KLHL1: variants seen among roughly 807,000 people sequenced by gnomAD.
KLHL1 encodes the protein kelch-like protein 1.
Under a neutral mutation model 77.7 loss-of-function variants are expected in KLHL1, and 47 were observed. The ratio of observed to expected loss-of-function variants is 0.60; its 90% CI spans 0.48 to 0.77. The LOEUF (loss-of-function observed/expected upper bound fraction) is 0.77. KLHL1 is among the 30% of genes least tolerant of loss of function. The pLI is 0.00. For synonymous variants in KLHL1, 360 were observed against 325.2 expected (o/e 1.11, Z -1.15); for missense variants, 925 against 910.8 (o/e 1.02, Z -0.20).
intron 7 of KLHL1, among the ~76,000 whole-genome samples, chr13:69,771,033 A>T (rs1875539156): frequency 6.6e-6 from 1 of 152,188 alleles, no homozygotes; most frequent in Admixed American, 6.5e-5. Flanking sequence ...TGATCTGCTA[A>T]TTTCACTACT....
At chr13:70,091,042 G>C (rs940899652) in intron 1 of KLHL1, among the ~76,000 whole-genome samples, 2 of 151,834 alleles carry the variant, frequency 1.3e-5, no homozygotes, top group African/African-American at 4.8e-5. Flanking sequence ...CTTATTCTCT[G>C]ATCCAAGTTT....
At chr13:69,970,602 C>T (rs570422454) in intron 2 of KLHL1, among the ~76,000 whole-genome samples, 1 of 152,196 alleles carries the variant, frequency 6.6e-6, no homozygotes, top group African/African-American at 2.4e-5. Flanking sequence ...GCTTCTCACA[C>T]TTTATCCTTC....
chr13:69,770,740 A>C (rs1262368342), intron 7 of KLHL1, among the ~76,000 whole-genome samples: 2 of 152,160 alleles, frequency 1.3e-5, no homozygotes, highest in Non-Finnish European at 2.9e-5. Flanking sequence ...GATCCTAATC[A>C]TTCTATTTAT....
intron 9 of KLHL1, among the ~76,000 whole-genome samples, chr13:69,713,899 GT>G (rs1875992118): frequency 6.6e-6 from 1 of 152,116 alleles, no homozygotes; most frequent in Non-Finnish European, 1.5e-5. Context: ...TGAGTTCACT[GT>G]TAATTTTAAC....
At chr13:69,702,539 T>A (rs545438577) in intron 10 of KLHL1, among the ~76,000 whole-genome samples, 1 of 151,730 alleles carries the variant, frequency 6.6e-6, no homozygotes, top group African/African-American at 2.4e-5. Context: ...GAAAAGAAAG[T>A]GTATAAAATG....
At chr13:69,972,237 C>G (rs1440506523) in intron 2 of KLHL1, among the ~76,000 whole-genome samples, 1 of 151,892 alleles carries the variant, frequency 6.6e-6, no homozygotes, top group East Asian at 1.9e-4. Flanking sequence ...TTAAGTGCTA[C>G]TAAATGCATC....
At chr13:70,049,386 GTAACACTTTA>G (rs1275907626) in intron 1 of KLHL1, among the ~76,000 whole-genome samples, 2 of 152,146 alleles carry the variant, frequency 1.3e-5, no homozygotes, top group East Asian at 3.9e-4. Flanking sequence ...AAATACTTAA[GTAACACTTTA>G]TGAGATTTCA....
chr13:69,804,707 C>T (rs901629587), intron 6 of KLHL1, among the ~76,000 whole-genome samples: 7 of 152,186 alleles, frequency 4.6e-5, no homozygotes, highest in Admixed American at 4.6e-4. Flanking sequence ...AGAACAATCA[C>T]TTATGGTTAT....
At chr13:69,723,866 G>A (rs1289764184) in intron 8 of KLHL1, among the ~76,000 whole-genome samples, 2 of 138,376 alleles carry the variant, frequency 1.4e-5, no homozygotes, top group African/African-American at 5.9e-5. Flanking sequence ...TTTCTGAGAC[G>A]GAGTCTTGCT....
chr13:69,904,774 T>C (rs1004039582), intron 4 of KLHL1, among the ~76,000 whole-genome samples: 2 of 152,188 alleles, frequency 1.3e-5, no homozygotes, highest in African/African-American at 4.8e-5. Flanking sequence ...AGTTATGTTG[T>C]CTTTCAGTAT....
In KLHL1 at chr13:69,952,344, C is replaced by A. The variant is rs527312010; in HGVS notation, c.817+8964G>T. 1.6e-4 allele frequency among the ~76,000 whole-genome samples: 24 copies of A among 151,370 alleles called. No individual in the cohort carries two copies. In the South Asian group the frequency reaches 5.0e-3, roughly 31 times the overall value. On this transcript the variant is annotated intron_variant, in intron 3 of 10. Transcript: ENST00000377844. ...AATAAACTTATATTTTAGACAAATG[C>A]AAAATAGTTTTTACATTTTTTCTTG... is the stretch of plus-strand genomic sequence containing the variant.
intron 8 of KLHL1, among the ~76,000 whole-genome samples, chr13:69,721,062 GAT>G (rs753780468): frequency 4.8e-5 from 1 of 20,628 alleles, no homozygotes; most frequent in Non-Finnish European, 1.5e-4. Flanking sequence ...TAGCTACTAA[GAT>G]ATATATATAT....
chr13:69,771,571 C>G (rs1875564878), intron 7 of KLHL1, among the ~76,000 whole-genome samples: 1 of 152,118 alleles, frequency 6.6e-6, no homozygotes, highest in South Asian at 2.1e-4. Context: ...AGCAATTGAC[C>G]TTTGTTAGCA....
intron 7 of KLHL1, among the ~76,000 whole-genome samples, chr13:69,753,217 C>G (rs1874562905): frequency 6.6e-6 from 1 of 151,842 alleles, no homozygotes; most frequent in Non-Finnish European, 1.5e-5. Flanking sequence ...CTCAGTGAAC[C>G]CAAACCTTCA....
At chr13:69,824,503 G>C (rs1014796241) in intron 6 of KLHL1, among the ~76,000 whole-genome samples, 2 of 151,974 alleles carry the variant, frequency 1.3e-5, no homozygotes, top group Non-Finnish European at 2.9e-5. Context: ...ATTCATAATA[G>C]CTAAAAGTGA....
intron 1 of KLHL1, among the ~76,000 whole-genome samples, chr13:69,997,626 T>C (rs1409431314): frequency 6.7e-6 from 1 of 149,670 alleles, no homozygotes; most frequent in African/African-American, 2.4e-5. Flanking sequence ...TGTTGTTGTA[T>C]ATGCCAGGAT....
chr13:69,794,084 A>T (rs1218630159), intron 7 of KLHL1, among the ~76,000 whole-genome samples: 2 of 152,164 alleles, frequency 1.3e-5, no homozygotes, highest in Admixed American at 1.3e-4. Flanking sequence ...GCTGGTCATG[A>T]ATATTACCTT....
intron 1 of KLHL1, among the ~76,000 whole-genome samples, chr13:70,059,924 A>G (rs1886836987): frequency 6.6e-6 from 1 of 152,116 alleles, no homozygotes; most frequent in Non-Finnish European, 1.5e-5. Flanking sequence ...GGAGAAATCC[A>G]CCCCCATAAG....
chr13:69,859,239 C>A (rs538316575), intron 5 of KLHL1, among the ~76,000 whole-genome samples: 1 of 149,840 alleles, frequency 6.7e-6, no homozygotes, highest in South Asian at 2.1e-4. Flanking sequence ...TTCATTTCTT[C>A]CTCCTCATCC....
Sources: allele counts gnomAD v4.1 joint callset (sites outside exome capture counted in the v4.1 genomes callset), GRCh38; gene constraint gnomAD v4.1.1; transcripts MANE v1.5; gene names NCBI Gene and HGNC (gene_info 2026-07-23, HGNC 2026-07-21).